The following FHAD1 variants were observed in gnomAD, a reference collection of about 807,000 sequenced individuals.
FHAD1 encodes forkhead associated phosphopeptide binding domain 1, also known as forkhead-associated domain-containing protein 1.
Under a neutral mutation model 191.3 loss-of-function variants are expected in FHAD1, and 146 were observed. The ratio of observed to expected loss-of-function variants is 0.76; its 90% CI spans 0.67 to 0.88. The LOEUF is 0.88. Ranked by LOEUF, FHAD1 falls within the 40% of genes least tolerant of loss-of-function variation. The pLI, the probability that FHAD1 is intolerant of heterozygous loss-of-function variation, is 0.00. For synonymous variants in FHAD1, 616 were observed against 672.3 expected (o/e 0.92, Z 1.29); for missense variants, 1,635 against 1,785.8 (o/e 0.92, Z 1.52).
intron 20 of FHAD1, among the ~76,000 whole-genome samples, chr1:15,355,852 A>T (rs1692564252): frequency 6.6e-6 from 1 of 151,822 alleles, no homozygotes; most frequent in Admixed American, 6.6e-5. Context: ...TAACACAATG[A>T]AAACGGTATA....
At chr1:15,310,702 A>G (rs1672006014) in intron 7 of FHAD1, among the ~76,000 whole-genome samples, 1 of 152,152 alleles carries the variant, frequency 6.6e-6, no homozygotes, top group African/African-American at 2.4e-5. Context: ...CTGCTTGTGC[A>G]CACTTAAGCT....
At chr1:15,364,542 G>T (rs956738870) in intron 23 of FHAD1, among the ~76,000 whole-genome samples, 2 of 152,214 alleles carry the variant, frequency 1.3e-5, no homozygotes, top group South Asian at 4.1e-4. Context: ...CCTGGGAGGT[G>T]GAGTTTGCAG....
At chr1:15,297,775 G>A (rs1035145104) in intron 5 of FHAD1, among the ~76,000 whole-genome samples, 1 of 152,102 alleles carries the variant, frequency 6.6e-6, no homozygotes, top group Non-Finnish European at 1.5e-5. Context: ...CTGGGACCTC[G>A]GTTGGGACAC....
At chr1:15,393,065 T>C (rs959916465) in intron 33 of FHAD1, 2 of 146,568 alleles carry the variant, frequency 1.4e-5, no homozygotes, top group African/African-American at 5.3e-5. Flanking sequence ...GGGGCAAAAA[T>C]TCATTCCTTT....
chr1:15,323,161 G>A (rs927703623), intron 10 of FHAD1, among the ~76,000 whole-genome samples: 9 of 152,148 alleles, frequency 5.9e-5, no homozygotes, highest in Non-Finnish European at 1.2e-4. Context: ...TGAGATTTGG[G>A]TGGACACACA....
chr1:15,351,046 A>G (rs1690675491), intron 19 of FHAD1, among the ~76,000 whole-genome samples: 1 of 152,174 alleles, frequency 6.6e-6, no homozygotes, highest in Non-Finnish European at 1.5e-5. Context: ...CCTGGATATG[A>G]ACATATAAAC....
intron 14 of FHAD1, among the ~76,000 whole-genome samples, chr1:15,330,578 T>C (rs954338052): frequency 1.3e-5 from 2 of 151,994 alleles, no homozygotes; most frequent in African/African-American, 4.8e-5. Context: ...AACATGAAAG[T>C]TGAGTGGTGA....
chr1:15,366,698 G>A (rs114663657), intron 24 of FHAD1, among the ~76,000 whole-genome samples: 13 of 152,270 alleles, frequency 8.5e-5, no homozygotes, highest in South Asian at 6.2e-4. Context: ...TTCTTCCTAC[G>A]GTTGACATGG....
chr1:15,267,111 C>T (rs1653868571), intron 2 of FHAD1, among the ~76,000 whole-genome samples: 1 of 152,146 alleles, frequency 6.6e-6, no homozygotes, highest in African/African-American at 2.4e-5. Flanking sequence ...AAGATCTGAA[C>T]AGATACTTTG....
At chr1:15,380,081 G>A (rs992337081) in intron 28 of FHAD1, among the ~76,000 whole-genome samples, 2 of 152,170 alleles carry the variant, frequency 1.3e-5, no homozygotes, top group Non-Finnish European at 2.9e-5. Flanking sequence ...AAAAGGAGGG[G>A]GGATGTTTTC....
downstream of FHAD1, among the ~76,000 whole-genome samples, chr1:15,399,154 A>T (rs903875192): frequency 1.3e-5 from 2 of 152,018 alleles, no homozygotes; most frequent in Non-Finnish European, 2.9e-5. Context: ...CCACAATAAA[A>T]TTTTTTTTAT....
At chr1:15,273,374 A>C (rs992400809) in intron 3 of FHAD1, among the ~76,000 whole-genome samples, 1 of 152,174 alleles carries the variant, frequency 6.6e-6, no homozygotes, top group Non-Finnish European at 1.5e-5. Context: ...GTAAAACTGT[A>C]CATGTCCAAA....
intron 2 of FHAD1, among the ~76,000 whole-genome samples, chr1:15,253,616 A>G (rs890579097): frequency 1.3e-5 from 2 of 152,092 alleles, no homozygotes; most frequent in African/African-American, 2.4e-5. Context: ...TTCAGTGGCC[A>G]CCTCTTCATT....
chr1:15,396,028 G>GACC (rs987435646), intron 33 of FHAD1, among the ~76,000 whole-genome samples: 15 of 152,134 alleles, frequency 9.9e-5, no homozygotes, highest in African/African-American at 3.6e-4. Flanking sequence ...TATGTAAAGG[G>GACC]ACCAGGCTTG....
chr1:15,245,746 G>T (rs945417874), upstream of FHAD1, among the ~76,000 whole-genome samples: 3 of 152,228 alleles, frequency 2.0e-5, 1 homozygote, highest in Admixed American at 2.0e-4. Flanking sequence ...AGAGGTCTCT[G>T]CAGTTCAGCT....
intron 23 of FHAD1, 91 bp from the exon 24 acceptor site, chr1:15,365,736 C>A: frequency 1.4e-6 from 1 of 722,304 alleles, no homozygotes; most frequent in Admixed American, 2.3e-5. Context: ...GATTGAGAAT[C>A]TCTTTGCATT....
chr1:15,391,753 C>CT (rs1383358172), intron 33 of FHAD1, among the ~76,000 whole-genome samples: 3 of 152,212 alleles, frequency 2.0e-5, no homozygotes, highest in Non-Finnish European at 4.4e-5. Flanking sequence ...ATGCAAGGGA[C>CT]ATTTTTGGAA....
At chr1:15,279,820 G>GC (rs1390237821) in intron 3 of FHAD1, among the ~76,000 whole-genome samples, 1 of 152,084 alleles carries the variant, frequency 6.6e-6, no homozygotes. Flanking sequence ...GAGGGGATGA[G>GC]CCCCATTGTG....
At position 15,301,417 on chromosome 1, in the gene FHAD1, A is replaced by G; in HGVS notation, c.891A>G (p.Lys297=). ...ATGAAGACATCGATGCCAAACAGAAAGAGATCCAGAGCTTGAAAAGCCAGG... is the reference window on the plus strand; with the variant it reads ...ATGAAGACATCGATGCCAAACAGAAGGAGATCCAGAGCTTGAAAAGCCAGG... ...VLDEDIDAKQ[K]EIQSLKSQIS... Residue 297 remains lysine (K), a synonymous_variant, in exon 6 of 34, where the codon AAA becomes AAG. Coordinates refer to ENST00000688493, the MANE Select transcript of FHAD1 (RefSeq NM_001391957.1). The G allele has an allele frequency of 6.4e-7, 1 of 1,551,792 alleles. No homozygotes were observed. The highest frequency in any genetic ancestry group is 8.7e-7 in the Non-Finnish European group (1 of 1,147,026).
Sources: allele counts gnomAD v4.1 joint callset (sites outside exome capture counted in the v4.1 genomes callset), GRCh38; gene constraint gnomAD v4.1.1; transcripts MANE v1.5; gene names NCBI Gene and HGNC (gene_info 2026-07-23, HGNC 2026-07-21).